The following PDE10A variants were observed in gnomAD, a reference collection of about 807,000 sequenced individuals.
The protein encoded by PDE10A is phosphodiesterase 10A.
PDE10A carries 39 observed loss-of-function variants against 97.7 expected under a neutral mutation model. The observed-to-expected ratio is 0.40, with a 90% confidence interval of 0.31 to 0.52. PDE10A has a LOEUF of 0.52. Ranked by LOEUF, PDE10A falls within the 20% of genes least tolerant of loss-of-function variation. The pLI is 0.56. For missense variants in PDE10A, 731 were observed against 1,047.8 expected, an observed-to-expected ratio of 0.70 and a Z score of 4.17; for synonymous variants, 371 against 376.8, an observed-to-expected ratio of 0.98 and a Z score of 0.18.
In PDE10A at chr6:165,418,256, C is replaced by T. The variant is rs1357484512; in HGVS notation, c.1796+379G>A. Among the ~76,000 whole-genome samples the T allele has an allele frequency of 6.6e-6, 1 of 152,156 alleles. No homozygotes were observed. The highest frequency in any genetic ancestry group is 1.5e-5 in the Non-Finnish European group (1 of 68,030). On this transcript the variant is annotated intron_variant, in intron 11 of 21. Transcript: ENST00000539869. This position sits in a 1 kb window ranked among gnomAD's most constrained non-coding sequence, Gnocchi z 4.8. ...CTGTCTGGACTGCGAGACAGGCCACCGGTTGGGAAGAAGTAGGGGCCGAAT... is the reference window on the plus strand; with the variant it reads ...CTGTCTGGACTGCGAGACAGGCCACTGGTTGGGAAGAAGTAGGGGCCGAAT...
chr6:165,353,071 CA>C (rs1343641933), intron 18 of PDE10A, among the ~76,000 whole-genome samples: 2 of 152,092 alleles, frequency 1.3e-5, no homozygotes, highest in East Asian at 3.9e-4. Context: ...ATAAAGATGG[CA>C]AATAAGTATT....
Position 165,655,123 on chromosome 6 carries a change from G to A in PDE10A, c.865+6824C>T, listed in dbSNP as rs1789874984. On this transcript the variant is annotated intron_variant, in intron 1 of 21. Coordinates refer to ENST00000539869, the MANE Select transcript of PDE10A (RefSeq NM_001385079.1). The surrounding 1 kb of genome is among the most constrained non-coding windows in gnomAD (Gnocchi z 4.5). Reference sequence around the variant, plus strand: ...CAAACTTCAGCCAGGCACTTACATTGCACCCAGCTATGGTTGATTAACCAA... The same window carrying A: ...CAAACTTCAGCCAGGCACTTACATTACACCCAGCTATGGTTGATTAACCAA... 6.6e-6 allele frequency among the ~76,000 whole-genome samples: 1 copy of A among 152,106 alleles called. No individual in the cohort carries two copies. The highest frequency in any genetic ancestry group is 1.9e-4 in the East Asian group (1 of 5,182).
At chr6:165,631,854 A>G (rs1788645702) in intron 1 of PDE10A, among the ~76,000 whole-genome samples, 1 of 152,152 alleles carries the variant, frequency 6.6e-6, no homozygotes, top group Non-Finnish European at 1.5e-5. Flanking sequence ...ACCCAAAGAT[A>G]GTGCCTATTC....
intron 2 of PDE10A, among the ~76,000 whole-genome samples, chr6:165,528,235 G>A (rs1782566453): frequency 7.3e-6 from 1 of 137,100 alleles, no homozygotes; most frequent in African/African-American, 2.5e-5. Context: ...TATGCCACGT[G>A]AGTGCTCACC....
chr6:165,458,248 T>A (rs2128255371), intron 3 of PDE10A, among the ~76,000 whole-genome samples: 1 of 152,302 alleles, frequency 6.6e-6, no homozygotes, highest in Non-Finnish European at 1.5e-5. Context: ...TACCCAGAGC[T>A]ATAGACTGTA....
chr6:165,386,691 C>T (rs1785323148), intron 17 of PDE10A, among the ~76,000 whole-genome samples: 1 of 152,050 alleles, frequency 6.6e-6, no homozygotes, highest in African/African-American at 2.4e-5. Flanking sequence ...ACACACAAGC[C>T]TTTTATCCTG....
At chr6:165,673,511 G>A (rs1473585008) in intron 1 of PDE10A, among the ~76,000 whole-genome samples, 1 of 152,256 alleles carries the variant, frequency 6.6e-6, no homozygotes, top group African/African-American at 2.4e-5. Context: ...TAGGCAAGAT[G>A]ATCTCCGCAG....
rs76663439 is a variant in PDE10A, at chr6:165,774,016, G to T, written c.-615+213513C>A. ...CATCAAAACTTTTCAATTTAAAAAA[G>T]ATCTGACATTTCAATTGTCTGGAAA... On this transcript the variant is annotated intron_variant, in intron 1 of 19. Transcript: ENST00000366882. Among the ~76,000 whole-genome samples the T allele has an allele frequency of 8.2e-3, 1,248 of 151,646 alleles. 45 individuals carry two copies. In the East Asian group the frequency reaches 0.12, roughly 14 times the overall value.
At chr6:165,757,127 C>G (rs1386769310) in intron 1 of PDE10A, among the ~76,000 whole-genome samples, 1 of 152,012 alleles carries the variant, frequency 6.6e-6, no homozygotes, top group South Asian at 2.1e-4. Context: ...CCACCACATC[C>G]GGCTAATTTT....
At chr6:165,640,764 T>C (rs1462024515) in intron 1 of PDE10A, among the ~76,000 whole-genome samples, 3 of 152,252 alleles carry the variant, frequency 2.0e-5, no homozygotes, top group Non-Finnish European at 2.9e-5. Context: ...ATGTAAACAG[T>C]AGTTTATAAA....
At chr6:165,764,383 A>T (rs970519626) in intron 1 of PDE10A, among the ~76,000 whole-genome samples, 1 of 152,212 alleles carries the variant, frequency 6.6e-6, no homozygotes, top group African/African-American at 2.4e-5. Context: ...GTTTGCAAAA[A>T]ATCAAACAGC....
chr6:165,677,485 A>C (rs912421687), intron 1 of PDE10A, among the ~76,000 whole-genome samples: 1 of 152,240 alleles, frequency 6.6e-6, no homozygotes, highest in Non-Finnish European at 1.5e-5. Context: ...AATATTTAGA[A>C]ATAAAATGTC....
intron 13 of PDE10A, among the ~76,000 whole-genome samples, chr6:165,406,088 G>T (rs1787125569): frequency 6.6e-6 from 1 of 152,018 alleles, no homozygotes; most frequent in Admixed American, 6.6e-5. Flanking sequence ...ACTGAACTCG[G>T]CTGAAATTAG....
chr6:165,953,936 G>A (rs1407301609), intron 1 of PDE10A, among the ~76,000 whole-genome samples: 1 of 152,132 alleles, frequency 6.6e-6, no homozygotes, highest in African/African-American at 2.4e-5. Flanking sequence ...ATCCTCCCGA[G>A]CCCCGGCAAC....
intron 1 of PDE10A, chr6:165,718,401 C>T (rs1022903857): frequency 3.9e-5 from 6 of 152,036 alleles, no homozygotes; most frequent in Non-Finnish European, 7.4e-5. Context: ...TTGTTTATAA[C>T]ACACTGTCCC....
intron 1 of PDE10A, chr6:165,894,395 C>T: frequency 2.2e-6 from 1 of 456,020 alleles, no homozygotes; most frequent in South Asian, 1.5e-5. Flanking sequence ...TGGCTGAAAC[C>T]ACAAGATGAA....
chr6:165,684,475 T>C (rs1424517317), intron 1 of PDE10A, among the ~76,000 whole-genome samples: 1 of 152,230 alleles, frequency 6.6e-6, no homozygotes, highest in African/African-American at 2.4e-5. Context: ...GGTGGCTCCT[T>C]TCCTGTTTGG....
At position 165,576,556 on chromosome 6, in the gene PDE10A, C is replaced by CA. The variant is rs1251988047; in HGVS notation, c.866-32989dup. 13 of 697,384 alleles carry CA rather than the reference C, an allele frequency of 1.9e-5. No individual in the cohort carries two copies. In the East Asian group the frequency reaches 2.5e-4, roughly 13 times the overall value. The allele number at this position is 697,384 out of a possible 1,614,324, so 43.2% of individuals were successfully genotyped here. A position where few individuals can be genotyped will look rare whatever the true frequency, so the allele number is the denominator to read the frequency against. On this transcript the variant is annotated intron_variant, in intron 1 of 21. Coordinates refer to ENST00000539869, the MANE Select transcript of PDE10A (RefSeq NM_001385079.1). ...CATTAGCTTCTAAACAAAAACAAAACAAAAAAATCAAATAACTAACAGATA... is the reference window on the plus strand; with the variant it reads ...CATTAGCTTCTAAACAAAAACAAAACAAAAAAAATCAAATAACTAACAGATA...
At chr6:165,685,326 G>A (rs373096426) in intron 1 of PDE10A, among the ~76,000 whole-genome samples, 1 of 151,862 alleles carries the variant, frequency 6.6e-6, no homozygotes, top group East Asian at 1.9e-4. Context: ...GATCAAAATG[G>A]TGGCTTGTGC....
Sources: gnomAD v4.1 joint callset for allele counts (sites outside exome capture counted in the v4.1 genomes callset) on GRCh38, gnomAD v4.1.1 for gene constraint, Gnocchi (gnomAD v3.1) non-coding constraint, MANE v1.5 for transcripts, NCBI Gene and HGNC (gene_info 2026-07-23, HGNC 2026-07-21) for gene names.